MAGI2: variants seen among roughly 807,000 people sequenced by gnomAD.
The protein encoded by MAGI2 is membrane associated guanylate kinase, WW and PDZ domain containing 2, also known as membrane-associated guanylate kinase, WW and PDZ domain-containing protein 2.
In MAGI2, 35 loss-of-function variants were observed where a neutral mutation model predicts 133.3. The ratio of observed to expected loss-of-function variants is 0.26; its 90% CI spans 0.20 to 0.35. The LOEUF is 0.35. Ranked by LOEUF, MAGI2 falls within the 10% of genes least tolerant of loss-of-function variation. The probability of loss-of-function intolerance (pLI) is 1.00; values close to 1 mark genes in which losing one functional copy is unlikely to be tolerated. For missense variants in MAGI2, 1,636 were observed against 1,863.4 expected (o/e 0.88, Z 2.25); for synonymous variants, 729 against 710.6 (o/e 1.03, Z -0.41).
At chr7:78,190,345 ATTAT>A (rs1403046943) in intron 12 of MAGI2, among the ~76,000 whole-genome samples, 1 of 152,246 alleles carries the variant, frequency 6.6e-6, no homozygotes, top group Non-Finnish European at 1.5e-5. Flanking sequence ...GCTTGAAAAA[ATTAT>A]TTATCTGAGT....
intron 9 of MAGI2, among the ~76,000 whole-genome samples, chr7:78,276,197 T>C (rs1169530956): frequency 6.6e-6 from 1 of 152,214 alleles, no homozygotes; most frequent in Non-Finnish European, 1.5e-5. Context: ...AATAATTCCT[T>C]CAGCATAAAA....
chr7:78,095,545 A>G (rs867556831), intron 20 of MAGI2, among the ~76,000 whole-genome samples: 33 of 152,140 alleles, frequency 2.2e-4, no homozygotes, highest in Admixed American at 1.0e-3. Context: ...TGCTGATTCA[A>G]TGGCTCAGCT....
chr7:78,678,217 G>A (rs1433460857), intron 2 of MAGI2, among the ~76,000 whole-genome samples: 1 of 152,204 alleles, frequency 6.6e-6, no homozygotes, highest in Middle Eastern at 3.4e-3. Context: ...CTTTTAAAAT[G>A]TTTATTGGCA....
intron 1 of MAGI2, among the ~76,000 whole-genome samples, chr7:79,339,057 A>G (rs1840696091): frequency 6.6e-6 from 1 of 152,148 alleles, no homozygotes; most frequent in Non-Finnish European, 1.5e-5. Context: ...TTTCTAGAAA[A>G]TAAGTACAAG....
chr7:79,413,705 G>GA (rs35457489), intron 1 of MAGI2: 36,283 of 151,802 alleles, frequency 0.24, 5,487 homozygotes, highest in African/African-American at 0.41. Flanking sequence ...TGGTCTATAA[G>GA]TTTCCCTGCT....
chr7:79,430,288 A>G (rs1847688264), intron 1 of MAGI2, among the ~76,000 whole-genome samples: 1 of 152,138 alleles, frequency 6.6e-6, no homozygotes, highest in African/African-American at 2.4e-5. Flanking sequence ...TCACAATTAT[A>G]GCTACATGGG....
chr7:78,039,687 A>G (rs1304788535), intron 21 of MAGI2: 2 of 152,232 alleles, frequency 1.3e-5, no homozygotes, highest in Admixed American at 6.5e-5. Flanking sequence ...TGTGCCTGGC[A>G]CATTGGTGCT....
chr7:78,775,698 T>C (rs1825936681), intron 2 of MAGI2, among the ~76,000 whole-genome samples: 1 of 152,238 alleles, frequency 6.6e-6, no homozygotes, highest in Non-Finnish European at 1.5e-5. Flanking sequence ...AAGGTTCTTA[T>C]ATTAGTGTTA....
chr7:79,222,418 A>G (rs534434746), intron 1 of MAGI2, among the ~76,000 whole-genome samples: 1 of 152,100 alleles, frequency 6.6e-6, no homozygotes. Flanking sequence ...TGAATCATCT[A>G]GTTGGATGGA....
At chr7:78,871,703 G>A (rs998002908) in intron 2 of MAGI2, among the ~76,000 whole-genome samples, 1 of 152,140 alleles carries the variant, frequency 6.6e-6, no homozygotes, top group East Asian at 1.9e-4. Context: ...TTACGTAAGA[G>A]AGAATAAAAT....
chr7:78,482,016 G>A (rs974347), intron 6 of MAGI2, among the ~76,000 whole-genome samples: 47,062 of 151,704 alleles, frequency 0.31, 7,520 homozygotes, highest in East Asian at 0.53. Context: ...ATATCTGTAA[G>A]GATATGTAAA....
intron 12 of MAGI2, among the ~76,000 whole-genome samples, chr7:78,192,346 T>G (rs879261823): frequency 4.6e-5 from 7 of 152,148 alleles, no homozygotes; most frequent in Non-Finnish European, 8.8e-5. Context: ...ATTGATCTTT[T>G]GTTTCGGTAT....
chr7:78,130,192 C>T (rs1821422975), intron 18 of MAGI2, among the ~76,000 whole-genome samples: 2 of 152,238 alleles, frequency 1.3e-5, no homozygotes, highest in South Asian at 4.1e-4. Context: ...TCACATTAAA[C>T]ATACTTTATG....
intron 6 of MAGI2, among the ~76,000 whole-genome samples, chr7:78,474,537 G>C (rs985620117): frequency 6.6e-6 from 1 of 151,930 alleles, no homozygotes. Flanking sequence ...GCAAAAGGCA[G>C]TACACTTTCA....
rs1172385902 is a variant in MAGI2, at chr7:79,277,565, A to G, written c.301+175455T>C. ...ATATATATATACAGAGCTACATGCT[A>G]TAATGATACAAGGAAGAATTTAACT... On this transcript the variant is annotated intron_variant, in intron 1 of 21. Coordinates refer to ENST00000354212, the MANE Select transcript of MAGI2 (RefSeq NM_012301.4). Among the ~76,000 whole-genome samples the G allele has an allele frequency of 3.9e-5, 6 of 152,258 alleles. 1 individual carries two copies. The highest frequency in any genetic ancestry group is 6.8e-3 in the Middle Eastern group (2 of 294).
intron 20 of MAGI2, among the ~76,000 whole-genome samples, chr7:78,105,837 G>T (rs949557686): frequency 6.6e-6 from 1 of 151,926 alleles, no homozygotes; most frequent in Non-Finnish European, 1.5e-5. Flanking sequence ...ATCACTCCAA[G>T]AATTTATCAT....
intron 5 of MAGI2, among the ~76,000 whole-genome samples, chr7:78,491,187 C>A (rs1793569157): frequency 6.6e-6 from 1 of 152,054 alleles, no homozygotes; most frequent in Non-Finnish European, 1.5e-5. Flanking sequence ...TATTTAATCA[C>A]AAGTGTGTAA....
chr7:78,743,218 A>G (rs1286598169), intron 2 of MAGI2, among the ~76,000 whole-genome samples: 1 of 152,220 alleles, frequency 6.6e-6, no homozygotes, highest in African/African-American at 2.4e-5. Context: ...ATATAGGTCT[A>G]GTGCCTATAA....
At chr7:79,271,215 T>C (rs1834848974) in intron 1 of MAGI2, among the ~76,000 whole-genome samples, 2 of 152,164 alleles carry the variant, frequency 1.3e-5, no homozygotes, top group Non-Finnish European at 2.9e-5. Flanking sequence ...ATATTGACGA[T>C]TCTACATACT....
Sources: allele counts gnomAD v4.1 joint callset (sites outside exome capture counted in the v4.1 genomes callset), GRCh38; gene constraint gnomAD v4.1.1; transcripts MANE v1.5; gene names NCBI Gene and HGNC (gene_info 2026-07-23, HGNC 2026-07-21).